Variants in CPXM2 observed in about 807,000 individuals in gnomAD.
CPXM2 encodes carboxypeptidase X, M14 family member 2.
CPXM2 carries 66 observed loss-of-function variants against 86.1 expected under a neutral mutation model. The ratio of observed to expected loss-of-function variants is 0.77; its 90% CI spans 0.63 to 0.94. The LOEUF is 0.94. Among genes scored for constraint, CPXM2 ranks in the 40% least tolerant of loss-of-function variants. The probability of loss-of-function intolerance (pLI) is 0.00; values close to 1 mark genes in which losing one functional copy is unlikely to be tolerated. For missense variants in CPXM2, 948 were observed against 1,026.3 expected (o/e 0.92, Z 1.04); for synonymous variants, 388 against 400.2 (o/e 0.97, Z 0.36).
chr10:123,902,213 G>A (rs192820736), intron 2 of CPXM2, among the ~76,000 whole-genome samples: 4 of 152,266 alleles, frequency 2.6e-5, no homozygotes, highest in Admixed American at 2.6e-4. Flanking sequence ...TGGGCCAGGC[G>A]AGGTCATGCA....
chr10:123,766,043 T>G (rs1177076572), intron 10 of CPXM2, among the ~76,000 whole-genome samples: 1 of 152,314 alleles, frequency 6.6e-6, no homozygotes, highest in South Asian at 2.1e-4. Flanking sequence ...TAAGCAGAAG[T>G]AGTATGTAGA....
At position 123,904,231 on chromosome 10, in the gene CPXM2, T is replaced by C. The variant is rs553648393; in HGVS notation, n.175-23922A>G. ...ATCAGGACTAACTCTTCCTGCCTCT[T>C]TCCTGGCTCTGCAGCCTGTTCTTTC... is the stretch of plus-strand genomic sequence containing the variant. On this transcript the variant is annotated intron_variant and non_coding_transcript_variant, in intron 2 of 19. Coordinates refer to the CPXM2 transcript ENST00000368854. 3.3e-5 allele frequency among the ~76,000 whole-genome samples: 5 copies of C among 152,332 alleles called. No homozygotes were observed. In the East Asian group the frequency reaches 9.6e-4, roughly 29 times the overall value.
chr10:123,774,922 T>C (rs2134016755), intron 7 of CPXM2, among the ~76,000 whole-genome samples: 1 of 152,256 alleles, frequency 6.6e-6, no homozygotes, highest in East Asian at 1.9e-4. Context: ...ACGTCACCAA[T>C]TGTGTTAACA....
intron 12 of CPXM2, among the ~76,000 whole-genome samples, chr10:123,755,066 T>G (rs889666464): frequency 2.0e-5 from 3 of 152,230 alleles, no homozygotes; most frequent in Admixed American, 2.0e-4. Flanking sequence ...GATACTTTTA[T>G]AAGGGGAGGG....
chr10:123,851,888 G>A (rs1363211968), intron 3 of CPXM2, among the ~76,000 whole-genome samples: 1 of 151,968 alleles, frequency 6.6e-6, no homozygotes, highest in Non-Finnish European at 1.5e-5. Context: ...TCTGAACACA[G>A]AGACACACAG....
intron 4 of CPXM2, among the ~76,000 whole-genome samples, chr10:123,808,955 G>A (rs1181751639): frequency 6.6e-6 from 1 of 152,020 alleles, no homozygotes; most frequent in Non-Finnish European, 1.5e-5. Context: ...CTTTAAGTCT[G>A]AAAATATTAA....
At chr10:123,856,619 T>A (rs974618373) in intron 3 of CPXM2, among the ~76,000 whole-genome samples, 1 of 151,646 alleles carries the variant, frequency 6.6e-6, no homozygotes, top group Non-Finnish European at 1.5e-5. Context: ...TGAGACAGAG[T>A]CTCATCCTCT....
intron 4 of CPXM2, among the ~76,000 whole-genome samples, chr10:123,825,658 C>T (rs1942073456): frequency 6.6e-6 from 1 of 152,194 alleles, no homozygotes; most frequent in South Asian, 2.1e-4. Context: ...CATCACACAG[C>T]AGTCTCAACC....
At chr10:123,757,475 A>G (rs1846241896) in intron 11 of CPXM2, 123 bp from the exon 12 acceptor site, 4 of 824,298 alleles carry the variant, frequency 4.9e-6, no homozygotes, top group Non-Finnish European at 8.0e-6. Flanking sequence ...ACAGGGAGAT[A>G]TGAAGTATCT....
intron 6 of CPXM2, among the ~76,000 whole-genome samples, chr10:123,792,649 AG>A (rs1369237109): frequency 6.6e-6 from 1 of 152,214 alleles, no homozygotes; most frequent in East Asian, 1.9e-4. Flanking sequence ...TAGACTGAGG[AG>A]GAAGGCAGTG....
chr10:123,925,751 A>T (rs894546291), intron 2 of CPXM2, among the ~76,000 whole-genome samples: 1 of 152,158 alleles, frequency 6.6e-6, no homozygotes, highest in African/African-American at 2.4e-5. Flanking sequence ...TCTAGACTAT[A>T]AGAGTTATTC....
intron 6 of CPXM2, among the ~76,000 whole-genome samples, chr10:123,792,084 G>C (rs555352179): frequency 1.3e-5 from 2 of 152,326 alleles, no homozygotes; most frequent in African/African-American, 4.8e-5. Flanking sequence ...TAGCGATTTA[G>C]CACCATTAGC....
At chr10:123,787,036 AG>A (rs1157812645) in intron 6 of CPXM2, among the ~76,000 whole-genome samples, 1 of 152,132 alleles carries the variant, frequency 6.6e-6, no homozygotes, top group Non-Finnish European at 1.5e-5. Context: ...CACACCCTCC[AG>A]CTGGCCCAAA....
intron 13 of CPXM2, among the ~76,000 whole-genome samples, chr10:123,748,722 T>A (rs1428270155): frequency 3.3e-5 from 5 of 152,018 alleles, no homozygotes; most frequent in African/African-American, 1.2e-4. Context: ...TTAGACCTTT[T>A]CAGGAGCACG....
At chr10:123,940,478 A>G (rs2134295556), upstream of CPXM2, among the ~76,000 whole-genome samples, 1 of 152,290 alleles carries the variant, frequency 6.6e-6, no homozygotes, top group African/African-American at 2.4e-5. Context: ...GGGAGCGCCC[A>G]AGCCTGGGAA....
At chr10:123,931,410 G>A (rs1251521435) in intron 2 of CPXM2, 1 of 152,190 alleles carries the variant, frequency 6.6e-6, no homozygotes, top group Non-Finnish European at 1.5e-5. Context: ...TCTGCCCCAT[G>A]TGCCCCATCC....
rs186260271 is a variant in CPXM2, at chr10:123,787,895, C to G, written c.890-7640G>C. Among the ~76,000 whole-genome samples, 334 of 152,146 alleles carry G rather than the reference C, an allele frequency of 2.2e-3. 2 individuals are homozygous for G. Among genetic ancestry groups the G allele is most frequent in the South Asian group, 8.1e-3 (39 of 4,802 alleles). Reference sequence around the variant, plus strand: ...GGGAGTGATTACTCCGGGTTTGTAGCCCCCATTTTTCTAAGAGATGGTTTA... The same window carrying G: ...GGGAGTGATTACTCCGGGTTTGTAGGCCCCATTTTTCTAAGAGATGGTTTA... On this transcript the variant is annotated intron_variant, in intron 6 of 13. Transcript: ENST00000241305.
chr10:123,875,212 T>C (rs1944961582), intron 2 of CPXM2, among the ~76,000 whole-genome samples: 1 of 152,242 alleles, frequency 6.6e-6, no homozygotes, highest in African/African-American at 2.4e-5. Flanking sequence ...TCAAAGGCAC[T>C]TGTTTCTTTT....
At chr10:123,804,269 T>C (rs1256841876) in intron 4 of CPXM2, among the ~76,000 whole-genome samples, 2 of 152,202 alleles carry the variant, frequency 1.3e-5, no homozygotes, top group Non-Finnish European at 2.9e-5. Context: ...TAAATTCAGC[T>C]TGTCAATTTC....
Sources: allele counts gnomAD v4.1 joint callset (sites outside exome capture counted in the v4.1 genomes callset), GRCh38; gene constraint gnomAD v4.1.1; transcripts MANE v1.5; gene names NCBI Gene and HGNC (gene_info 2026-07-23, HGNC 2026-07-21).